Variants in WDR17 observed in about 807,000 individuals in gnomAD.
WDR17 encodes WD repeat-containing protein 17.
In WDR17, 143 loss-of-function variants were observed where a neutral mutation model predicts 161.7. The ratio of observed to expected loss-of-function variants is 0.88; its 90% CI spans 0.77 to 1.02. The LOEUF (loss-of-function observed/expected upper bound fraction) is 1.02. WDR17 is among the 50% of genes least tolerant of loss of function. The probability of loss-of-function intolerance (pLI) is 0.00; values close to 1 mark genes in which losing one functional copy is unlikely to be tolerated. For synonymous variants in WDR17, 517 were observed against 515.6 expected (o/e 1.00, Z -0.04); for missense variants, 1,469 against 1,520.9 (o/e 0.97, Z 0.57).
At chr4:176,074,986 C>T (rs1226688797) in intron 1 of WDR17, among the ~76,000 whole-genome samples, 1 of 151,574 alleles carries the variant, frequency 6.6e-6, no homozygotes, top group Non-Finnish European at 1.5e-5. Flanking sequence ...TTACCTTGAG[C>T]TGTATATCCT....
In WDR17 at chr4:176,179,493, G is replaced by A. The variant is rs11736872; in HGVS notation, c.3766G>A (p.Ala1256Thr). ...PVFFLEDGKS[A>T]ISLNDALMWA... is the part of the protein sequence containing the mutation. ...GTTTTTCCTTGAAGACGGGAAATCT[G>A]CTATCTCCTTGAATGATGCTTTGAT... Residue 1256 changes from alanine to threonine, a missense_variant, in exon 29 of 29, where the codon GCT becomes ACT. Transcript: ENST00000508596. The A allele has an allele frequency of 0.28, 444,160 of 1,599,626 alleles. 63,886 individuals carry two copies. Among genetic ancestry groups the A allele is most frequent in the South Asian group, 0.33 (28,963 of 88,766 alleles).
intron 1 of WDR17, among the ~76,000 whole-genome samples, chr4:176,094,248 G>A (rs1736507797): frequency 6.6e-6 from 1 of 152,150 alleles, no homozygotes; most frequent in African/African-American, 2.4e-5. Flanking sequence ...CATGTGAACT[G>A]TCACTAGGTG....
At chr4:176,140,499 T>G (rs1200580370) in intron 10 of WDR17, among the ~76,000 whole-genome samples, 2 of 152,172 alleles carry the variant, frequency 1.3e-5, no homozygotes, top group African/African-American at 4.8e-5. Flanking sequence ...ATATGTGCTT[T>G]CTTAATTCTG....
intron 20 of WDR17, 81 bp downstream of exon 20, chr4:176,161,083 C>A: frequency 8.5e-7 from 1 of 1,171,672 alleles, no homozygotes; most frequent in Non-Finnish European, 1.2e-6. Context: ...TATAATTCAT[C>A]CTTCTTTGTA....
intron 4 of WDR17, among the ~76,000 whole-genome samples, chr4:176,123,148 T>C (rs1423454570): frequency 1.3e-5 from 2 of 152,224 alleles, no homozygotes; most frequent in Non-Finnish European, 2.9e-5. Context: ...GATTTTGGTA[T>C]TACTCCATGA....
At chr4:176,124,288 C>A (rs915084727) in intron 4 of WDR17, among the ~76,000 whole-genome samples, 2 of 152,146 alleles carry the variant, frequency 1.3e-5, no homozygotes, top group African/African-American at 4.8e-5. Context: ...GGTATCTCAG[C>A]AGAATTTTTT....
Position 176,174,626 on chromosome 4 carries a change from T to A in WDR17, c.3357T>A (p.Asn1119Lys). 1 of 1,604,124 alleles carries A rather than the reference T, an allele frequency of 6.2e-7. No individual in the cohort carries two copies. The highest frequency in any genetic ancestry group is 2.2e-5 in the East Asian group (1 of 44,688). The change falls in exon 26 of 29, where the codon AAT becomes AAA. Residue 1119 changes from asparagine to lysine, a missense_variant. Asn to Lys is a moderately conservative substitution (Grantham distance 94). Transcript: ENST00000508596. ...LLLHTCTEAR[N>K]ELLILCGYIG... ...ATATATTCTCTTTTAGAGCTCGAAA[T>A]GAGTTGCTGATATTATGTGGTTACA...
rs114940167 is a variant in WDR17 at position 176,113,377 on chromosome 4, A to G, written c.123+1674A>G. On this transcript the variant is annotated intron_variant, in intron 2 of 28. Coordinates refer to ENST00000508596, the MANE Select transcript of WDR17 (RefSeq NM_181265.4). ...AAGTTTCTATGTCTTAAATTTTGTG[A>G]TGACATTTTATGATGAATATTTTAA... 5.8e-3 allele frequency among the ~76,000 whole-genome samples: 882 copies of G among 152,226 alleles called. 9 individuals carry two copies. Among genetic ancestry groups the G allele is most frequent in the African/African-American group, 0.02 (823 of 41,568 alleles).
rs753038287 is a variant in WDR17, at chr4:176,173,298, T to A, written c.3276T>A (p.Asp1092Glu). ...EYISSSDWTLDTIYPVLDLLS... is the reference protein window; with the variant it reads ...EYISSSDWTLETIYPVLDLLS... The stretch of plus-strand genomic sequence containing the variant: ...TCAGTAGCTCAGACTGGACTTTGGA[T>A]ACCATATACCCTGTTCTTGACCTAC... The change falls in exon 25 of 29, where the codon GAT (aspartate) becomes GAA (glutamate). Residue 1092 changes from aspartate to glutamate, a missense_variant. Asp to Glu is a conservative substitution (Grantham distance 45, BLOSUM62 2). Transcript: ENST00000508596. 1 of 1,612,206 alleles carries A rather than the reference T, an allele frequency of 6.2e-7. No individual in the cohort carries two copies. Among genetic ancestry groups the A allele is most frequent in the Non-Finnish European group, 8.5e-7 (1 of 1,179,206 alleles).
intron 1 of WDR17, among the ~76,000 whole-genome samples, chr4:176,072,134 C>A (rs1480657213): frequency 1.3e-5 from 2 of 152,142 alleles, no homozygotes; most frequent in Non-Finnish European, 2.9e-5. Context: ...CATGATTTGA[C>A]ATATATTGGG....
At chr4:176,070,307 A>G (rs1301947456) in intron 1 of WDR17, among the ~76,000 whole-genome samples, 1 of 152,206 alleles carries the variant, frequency 6.6e-6, no homozygotes, top group Non-Finnish European at 1.5e-5. Flanking sequence ...ATGTTGGCTC[A>G]GAGCGTAATA....
intron 1 of WDR17, among the ~76,000 whole-genome samples, chr4:176,092,548 G>A (rs1736265581): frequency 6.6e-6 from 1 of 152,090 alleles, no homozygotes; most frequent in African/African-American, 2.4e-5. Flanking sequence ...AATCAGACAG[G>A]AGAAAGGGAT....
chr4:176,116,795 G>A (rs528827256), intron 3 of WDR17, among the ~76,000 whole-genome samples: 1 of 151,760 alleles, frequency 6.6e-6, no homozygotes, highest in South Asian at 2.1e-4. Context: ...TTTAAATTTT[G>A]TTTCCATAAT....
intron 7 of WDR17, 77 bp from the exon 8 acceptor site, chr4:176,135,031 G>C: frequency 1.4e-6 from 2 of 1,432,464 alleles, no homozygotes; most frequent in Non-Finnish European, 1.9e-6. Context: ...GTGTCAATTT[G>C]AGTAAACATT....
At position 176,148,478 on chromosome 4, in the gene WDR17, G is replaced by T. The variant is rs932744487; in HGVS notation, c.1897+143G>T. On this transcript the variant is annotated intron_variant, in intron 13 of 28. Transcript: ENST00000508596. The stretch of plus-strand genomic sequence containing the variant: ...ATTTTTCACATTAGAAAATATACAC[G>T]TTTATTATTATAATACCAGAATGTG... 1.2e-5 allele frequency: 9 copies of T among 743,182 alleles called. No individual in the cohort carries two copies. In the East Asian group the frequency reaches 2.2e-4, roughly 18 times the overall value. 46.0% of individuals were successfully genotyped at this position (743,182 alleles called of 1,614,324 possible).
chr4:176,109,227 A>G (rs1225553936), intron 1 of WDR17, among the ~76,000 whole-genome samples: 1 of 152,216 alleles, frequency 6.6e-6, no homozygotes, highest in Non-Finnish European at 1.5e-5. Flanking sequence ...TAGTAATTTA[A>G]TAGATCCCCA....
chr4:176,137,496 A>G, intron 8 of WDR17, 24 bp from the exon 9 acceptor site: 1 of 1,561,742 alleles, frequency 6.4e-7, no homozygotes. Flanking sequence ...ATTTAGTATA[A>G]TGTCTAACAA....
At chr4:176,079,531 C>T (rs951867188) in intron 1 of WDR17, among the ~76,000 whole-genome samples, 5 of 152,104 alleles carry the variant, frequency 3.3e-5, no homozygotes, top group African/African-American at 1.2e-4. Context: ...AAAATGTCAA[C>T]ATACACATAC....
Position 176,120,046 on chromosome 4 carries a change from G to T in WDR17, c.487G>T (p.Gly163Trp). ...GTTCAGATGGCATACACACCAAAAG[G>T]GGAAAGTTGTGTTTGGTCATATTGA... ...CMFRWHTHQK[G>W]KVVFGHIDGS... Residue 163 changes from glycine (G) to tryptophan (W), a missense_variant, in exon 4 of 29, where the codon GGG becomes TGG. Gly to Trp is a radical substitution (Grantham distance 184). Coordinates refer to ENST00000508596, the MANE Select transcript of WDR17 (RefSeq NM_181265.4). The T allele has an allele frequency of 6.2e-7, 1 of 1,613,834 alleles. No individual in the cohort carries two copies. The highest frequency in any genetic ancestry group is 8.5e-7 in the Non-Finnish European group (1 of 1,179,904).
Sources: gnomAD v4.1 joint callset for allele counts (sites outside exome capture counted in the v4.1 genomes callset) on GRCh38, gnomAD v4.1.1 for gene constraint, MANE v1.5 for transcripts, NCBI Gene and HGNC (gene_info 2026-07-23, HGNC 2026-07-21) for gene names.